NOS1AP: variants seen among roughly 807,000 people sequenced by gnomAD.
The protein encoded by NOS1AP is nitric oxide synthase 1 adaptor protein, also known as carboxyl-terminal PDZ ligand of neuronal nitric oxide synthase protein.
NOS1AP carries 21 observed loss-of-function variants against 56.2 expected under a neutral mutation model. The ratio of observed to expected loss-of-function variants is 0.37; its 90% CI spans 0.26 to 0.54. NOS1AP has a LOEUF of 0.54. Among genes scored for constraint, NOS1AP ranks in the 20% least tolerant of loss-of-function variants. NOS1AP has a pLI of 0.84. For synonymous variants in NOS1AP, 270 were observed against 274.6 expected (o/e 0.98, Z 0.17); for missense variants, 522 against 657.8 (o/e 0.79, Z 2.26).
intron 4 of NOS1AP, among the ~76,000 whole-genome samples, chr1:162,325,885 C>A (rs1415238910): frequency 6.6e-6 from 1 of 151,868 alleles, no homozygotes; most frequent in Non-Finnish European, 1.5e-5. Context: ...CTCTATACCA[C>A]ACACTGGAGA....
intron 1 of NOS1AP, among the ~76,000 whole-genome samples, chr1:162,129,312 A>G (rs552827353): frequency 1.3e-5 from 2 of 152,060 alleles, no homozygotes; most frequent in East Asian, 3.9e-4. Context: ...CCTCCCCATA[A>G]TTGTATAAGT....
At chr1:162,238,490 G>A (rs1653378093) in intron 2 of NOS1AP, among the ~76,000 whole-genome samples, 1 of 152,116 alleles carries the variant, frequency 6.6e-6, no homozygotes, top group East Asian at 1.9e-4. Flanking sequence ...TTTTGTTATT[G>A]TTGTCTTATG....
At chr1:162,312,851 A>G (rs888228377) in intron 4 of NOS1AP, among the ~76,000 whole-genome samples, 3 of 151,862 alleles carry the variant, frequency 2.0e-5, no homozygotes, top group Admixed American at 6.6e-5. Context: ...AATGTAATCC[A>G]GCATATAAAC....
intron 2 of NOS1AP, among the ~76,000 whole-genome samples, chr1:162,256,383 C>T (rs1245053645): frequency 1.3e-5 from 2 of 152,198 alleles, no homozygotes; most frequent in Admixed American, 6.5e-5. Flanking sequence ...GGATTTTACT[C>T]CCTTTCCAAA....
intron 3 of NOS1AP, among the ~76,000 whole-genome samples, chr1:162,293,745 T>C (rs560068538): frequency 6.6e-6 from 1 of 152,348 alleles, no homozygotes; most frequent in Admixed American, 6.5e-5. Context: ...ATTTCATCAT[T>C]TGGAGTTACA....
chr1:162,257,465 A>G (rs1464991445), intron 2 of NOS1AP, among the ~76,000 whole-genome samples: 1 of 152,086 alleles, frequency 6.6e-6, no homozygotes, highest in African/African-American at 2.4e-5. Context: ...CCTGGGCAAC[A>G]TGACGAAACC....
intron 6 of NOS1AP, among the ~76,000 whole-genome samples, chr1:162,345,306 CT>C (rs1657255113): frequency 8.6e-6 from 1 of 116,410 alleles, no homozygotes; most frequent in Non-Finnish European, 1.7e-5. Context: ...TCCCTCCCCC[CT>C]CCCCCCACCC....
chr1:162,287,483 A>T (rs1655124856), intron 3 of NOS1AP, 47 bp downstream of exon 3: 1 of 1,289,278 alleles, frequency 7.8e-7, no homozygotes, highest in Non-Finnish European at 1.1e-6. Context: ...AAAGCAGGGG[A>T]GGTAGGCATG....
At chr1:162,073,692 T>G (rs1691709925) in intron 1 of NOS1AP, among the ~76,000 whole-genome samples, 2 of 152,208 alleles carry the variant, frequency 1.3e-5, no homozygotes, top group Admixed American at 1.3e-4. Flanking sequence ...AACTCCCGAC[T>G]TCAGGTGATC....
chr1:162,135,518 G>A (rs983035866), intron 1 of NOS1AP, among the ~76,000 whole-genome samples: 1 of 152,170 alleles, frequency 6.6e-6, no homozygotes, highest in African/African-American at 2.4e-5. Context: ...TGTTCTGTCT[G>A]CAGAACTGGC....
intron 2 of NOS1AP, among the ~76,000 whole-genome samples, chr1:162,163,504 T>A (rs1173676966): frequency 6.6e-6 from 1 of 152,232 alleles, no homozygotes; most frequent in Admixed American, 6.5e-5. Flanking sequence ...ACAAAGTCCC[T>A]GTCTGCATGG....
chr1:162,229,153 A>G (rs1290771648), intron 2 of NOS1AP, among the ~76,000 whole-genome samples: 1 of 152,238 alleles, frequency 6.6e-6, no homozygotes, highest in African/African-American at 2.4e-5. Flanking sequence ...CTGGCTCTTT[A>G]GGACTGTTCT....
At chr1:162,143,391 A>G (rs1649317594) in intron 1 of NOS1AP, among the ~76,000 whole-genome samples, 1 of 152,240 alleles carries the variant, frequency 6.6e-6, no homozygotes, top group Non-Finnish European at 1.5e-5. Flanking sequence ...CTGTACCTTC[A>G]GGATCTTCTT....
At chr1:162,346,281 A>G (rs1657293403) in intron 6 of NOS1AP, among the ~76,000 whole-genome samples, 4 of 152,248 alleles carry the variant, frequency 2.6e-5, no homozygotes, top group Admixed American at 2.6e-4. Flanking sequence ...GATCAGAAAC[A>G]GCAAGAGGGA....
chr1:162,223,248 A>ACCTC (rs1271542789), intron 2 of NOS1AP, among the ~76,000 whole-genome samples: 7 of 151,832 alleles, frequency 4.6e-5, no homozygotes, highest in Non-Finnish European at 1.0e-4. Context: ...CAGTTTATAG[A>ACCTC]CCTCCCTCCC....
At chr1:162,088,480 A>C (rs749047732) in intron 1 of NOS1AP, among the ~76,000 whole-genome samples, 15 of 152,316 alleles carry the variant, frequency 9.8e-5, no homozygotes, top group Non-Finnish European at 5.9e-5. Context: ...TTGTGAGCAG[A>C]ACTGGGTTGT....
chr1:162,330,649 A>G (rs1044452141), intron 4 of NOS1AP, among the ~76,000 whole-genome samples: 3 of 152,292 alleles, frequency 2.0e-5, no homozygotes, highest in South Asian at 2.1e-4. Flanking sequence ...AAGCCTTTGG[A>G]TGGCTTTAAG....
At chr1:162,338,849 G>A (rs967518946) in intron 5 of NOS1AP, 1 of 152,192 alleles carries the variant, frequency 6.6e-6, no homozygotes, top group Non-Finnish European at 1.5e-5. Context: ...ACAACCCACA[G>A]TGATTGTGAA....
At chr1:162,261,507 AG>A (rs759426996) in intron 2 of NOS1AP, among the ~76,000 whole-genome samples, 580 of 18,416 alleles carry the variant, frequency 0.031, 217 homozygotes, top group Middle Eastern at 0.062. Context: ...AGAGAGAGAG[AG>A]AGAGAGAGAG....
Sources: gnomAD v4.1 joint callset for allele counts (sites outside exome capture counted in the v4.1 genomes callset) on GRCh38, gnomAD v4.1.1 for gene constraint, MANE v1.5 for transcripts, NCBI Gene and HGNC (gene_info 2026-07-23, HGNC 2026-07-21) for gene names.